LYST: variants seen among roughly 807,000 people sequenced by gnomAD.
LYST encodes lysosomal-trafficking regulator.
A neutral mutation model predicts 413.6 loss-of-function variants in LYST; 192 were observed. The ratio of observed to expected loss-of-function variants is 0.46; its 90% CI spans 0.41 to 0.52. The LOEUF (loss-of-function observed/expected upper bound fraction) is 0.52. Among genes scored for constraint, LYST ranks in the 20% least tolerant of loss-of-function variants. The pLI is 0.00. For missense variants in LYST, 3,815 were observed against 4,499.9 expected (o/e 0.85, Z 4.35); for synonymous variants, 1,525 against 1,567.3 (o/e 0.97, Z 0.64).
In LYST at chr1:235,697,095, T is replaced by C. The variant is rs1164475740; in HGVS notation, c.10552A>G (p.Ser3518Gly). 2 of 1,613,880 alleles carry C rather than the reference T, an allele frequency of 1.2e-6. No individual in the cohort carries two copies. The highest frequency in any genetic ancestry group is 1.7e-6 in the Non-Finnish European group (2 of 1,179,836). The change falls in exon 46 of 53, where the codon AGC becomes GGC. Residue 3518 changes from serine (S) to glycine (G), a missense_variant. Ser to Gly is a moderately conservative substitution (Grantham distance 56). This residue lies in a region of LYST where 866 missense variants were observed against 1,156.0 expected (regional missense o/e 0.75). Coordinates refer to ENST00000389793, the MANE Select transcript of LYST (RefSeq NM_000081.4). ...CATTTTATTTTACCTTGTTCCTTGC[T>C]ATATGTCATCAGAAGACAGAAATTC... ...SRNFCLLMTY[S>G]KEQGVRSMNS...
rs146766703 is a variant in LYST at position 235,866,258 on chromosome 1, G to C, written c.-98+585C>G. On this transcript the variant is annotated intron_variant, in intron 1 of 52. Transcript: ENST00000389793. Reference sequence around the variant, plus strand: ...GATGTCTCAGGGGATCCCCTGGAAAGAGAGGCTCTCGCCCAGTCAAAGGGT... The same window carrying C: ...GATGTCTCAGGGGATCCCCTGGAAACAGAGGCTCTCGCCCAGTCAAAGGGT... Among the ~76,000 whole-genome samples the C allele has an allele frequency of 6.2e-3, 940 of 152,312 alleles. 7 individuals are homozygous for C. Among genetic ancestry groups the C allele is most frequent in the African/African-American group, 0.022 (896 of 41,564 alleles).
rs184160931 is a variant in LYST at position 235,881,012 on chromosome 1, G to A, written n.454+2175C>T. ...GTGGTGGAGGGTGCATGTAATCCCA[G>A]CTACTCAGGAGGCTGAAGCAGGAGA... is the stretch of plus-strand genomic sequence containing the variant. On this transcript the variant is annotated intron_variant and non_coding_transcript_variant, in intron 1 of 11. Transcript: ENST00000465349. 8.4e-4 allele frequency among the ~76,000 whole-genome samples: 128 copies of A among 152,216 alleles called. 1 individual carries two copies. The highest frequency in any genetic ancestry group is 1.5e-3 in the Non-Finnish European group (101 of 68,012).
chr1:235,866,666 C>G (rs1680564362), intron 1 of LYST, among the ~76,000 whole-genome samples, 177 bp downstream of exon 1: 1 of 151,516 alleles, frequency 6.6e-6, no homozygotes, highest in Non-Finnish European at 1.5e-5. Flanking sequence ...GAGGACGCCC[C>G]GAGCTGGCGC....
At chr1:235,774,823 T>G in intron 18 of LYST, 90 bp downstream of exon 18, 1 of 860,480 alleles carries the variant, frequency 1.2e-6, no homozygotes, top group Non-Finnish European at 1.9e-6. Context: ...CAGGAATAAC[T>G]GAAATACAAA....
chr1:235,697,038 C>T (rs768655106), intron 46 of LYST, 45 bp downstream of exon 46: 2 of 1,571,262 alleles, frequency 1.3e-6, no homozygotes, highest in Non-Finnish European at 1.8e-6. Flanking sequence ...ACTCAAATCT[C>T]ACGAAAGATA....
rs752990332 is a variant in LYST at position 235,697,094 on chromosome 1, C to T, written c.10553G>A (p.Ser3518Asn). 1.2e-6 allele frequency: 2 copies of T among 1,613,912 alleles called. No homozygotes were observed. The highest frequency in any genetic ancestry group is 2.2e-5 in the East Asian group (1 of 44,880). The part of the protein sequence containing the change: ...SRNFCLLMTY[S>N]KEQGVRSMNS... ...ACATTTTATTTTACCTTGTTCCTTG[C>T]TATATGTCATCAGAAGACAGAAATT... is the stretch of plus-strand genomic sequence containing the variant. Residue 3518 changes from serine (S) to asparagine (N), a missense_variant, in exon 46 of 53, where the codon AGC becomes AAC. Physicochemically the swap from Ser to Asn is conservative, Grantham distance 46. Around this residue, in one of 4 missense-constraint regions of LYST, gnomAD observed 866 missense variants for 1,156.0 expected, o/e 0.75. Transcript: ENST00000389793.
chr1:235,759,369 C>T lies in LYST; in HGVS notation c.6484G>A (p.Asp2162Asn). 1 of 1,614,156 alleles carries T rather than the reference C, an allele frequency of 6.2e-7. No individual in the cohort carries two copies. The part of the protein sequence containing the change: ...SSDTLKKGKE[D>N]AFISSCESAK... The stretch of plus-strand genomic sequence containing the variant: ...GACTCACAGCTACTGATGAATGCGT[C>T]CTCTTTGCCTTTTTTCAGTGTGTCG... Residue 2162 changes from aspartate (D) to asparagine (N), a missense_variant, in exon 23 of 53, where the codon GAC becomes AAC. Transcript: ENST00000389793.
At chr1:235,756,650 C>A (rs1461963747) in intron 24 of LYST, among the ~76,000 whole-genome samples, 1 of 152,104 alleles carries the variant, frequency 6.6e-6, no homozygotes, top group African/African-American at 2.4e-5. Flanking sequence ...TCATATCAAG[C>A]ATTTACTCAT....
chr1:235,722,197 A>G (rs1347846880), intron 39 of LYST, among the ~76,000 whole-genome samples: 4 of 152,178 alleles, frequency 2.6e-5, no homozygotes, highest in Non-Finnish European at 5.9e-5. Context: ...ACAGCAGACA[A>G]TGACGTCAGA....
At chr1:235,855,047 G>A (rs1353239134) in intron 1 of LYST, among the ~76,000 whole-genome samples, 2 of 151,922 alleles carry the variant, frequency 1.3e-5, no homozygotes, top group Non-Finnish European at 2.9e-5. Context: ...TCCTTCAAAG[G>A]GTATACACTT....
In LYST at chr1:235,854,768, A is replaced by C. The variant is rs1372450926; in HGVS notation, c.-98+12075T>G. On this transcript the variant is annotated intron_variant, in intron 1 of 52. Transcript: ENST00000389793. The surrounding 1 kb of genome is among the most constrained non-coding windows in gnomAD (Gnocchi z 4.1). Reference sequence around the variant, plus strand: ...CACCTTGAATCTGGTCCTTCCCCCTAATCTTACACCTAAGCATCCTTAGAC... The same window carrying C: ...CACCTTGAATCTGGTCCTTCCCCCTCATCTTACACCTAAGCATCCTTAGAC... 2.0e-5 allele frequency among the ~76,000 whole-genome samples: 3 copies of C among 152,100 alleles called. No homozygotes were observed. The highest frequency in any genetic ancestry group is 2.9e-5 in the Non-Finnish European group (2 of 68,014).
At chr1:235,749,397 T>TA (rs1366984470) in intron 28 of LYST, among the ~76,000 whole-genome samples, 3 of 150,266 alleles carry the variant, frequency 2.0e-5, no homozygotes, top group African/African-American at 7.4e-5. Flanking sequence ...TCAATAAGGG[T>TA]AGTACTTAAA....
At chr1:235,858,143 C>T (rs916444828) in intron 1 of LYST, among the ~76,000 whole-genome samples, 4 of 152,030 alleles carry the variant, frequency 2.6e-5, no homozygotes, top group Non-Finnish European at 4.4e-5. Flanking sequence ...TCTTCAATGA[C>T]CCCTACTTTG....
At chr1:235,775,170 C>T in intron 17 of LYST, 84 bp from the exon 18 acceptor site, 2 of 948,862 alleles carry the variant, frequency 2.1e-6, no homozygotes, top group South Asian at 1.3e-5. Flanking sequence ...CATTCTGTAA[C>T]ATCAATCCAT....
chr1:235,743,894 A>G, intron 30 of LYST, 85 bp downstream of exon 30: 1 of 796,550 alleles, frequency 1.3e-6, no homozygotes, highest in Admixed American at 2.3e-5. Context: ...AAGAAATATG[A>G]TTTTGAAAAC....
At chr1:235,720,573 G>GT (rs1663274677) in intron 40 of LYST, 88 bp downstream of exon 40, 3 of 1,313,830 alleles carry the variant, frequency 2.3e-6, no homozygotes, top group Non-Finnish European at 3.3e-6. Context: ...TTTTGTGCAT[G>GT]TTTGAAATTT....
rs1336462528 is a variant in LYST at position 235,807,426 on chromosome 1, T to C, written c.2364-654A>G. Among the ~76,000 whole-genome samples, 3 of 152,318 alleles carry C rather than the reference T, an allele frequency of 2.0e-5. No individual in the cohort carries two copies. In the East Asian group the frequency reaches 5.8e-4, roughly 29 times the overall value. On this transcript the variant is annotated intron_variant, in intron 5 of 52. Transcript: ENST00000389793. The stretch of plus-strand genomic sequence containing the variant: ...AAGCCAGCTAGGTGATTCTCAGCCC[T>C]TTCATCACAAAGATTCAGGTTGTCC...
At chr1:235,860,623 T>C (rs1679753108) in intron 1 of LYST, among the ~76,000 whole-genome samples, 1 of 152,234 alleles carries the variant, frequency 6.6e-6, no homozygotes, top group Non-Finnish European at 1.5e-5. Flanking sequence ...TTTCACTTAG[T>C]GATATGCACT....
At chr1:235,845,157 G>A (rs1677664847) in intron 1 of LYST, among the ~76,000 whole-genome samples, 1 of 152,148 alleles carries the variant, frequency 6.6e-6, no homozygotes, top group Non-Finnish European at 1.5e-5. Context: ...CAAATACTGT[G>A]AGTGCCCCAA....
Sources: allele counts gnomAD v4.1 joint callset (sites outside exome capture counted in the v4.1 genomes callset), GRCh38; gene constraint gnomAD v4.1.1; regional missense constraint gnomAD v4.1.1; non-coding constraint Gnocchi (gnomAD v3.1); transcripts MANE v1.5; gene names NCBI Gene and HGNC (gene_info 2026-07-23, HGNC 2026-07-21).